Variants in ZNF737 observed in about 807,000 individuals in gnomAD.
ZNF737 encodes zinc finger protein 737.
Under a neutral mutation model 11.7 loss-of-function variants are expected in ZNF737, and 13 were observed. The observed-to-expected ratio is 1.11, with a 90% CI of 0.73 to 1.77. The LOEUF is 1.77. ZNF737 is among the 40% of genes most tolerant of loss of function. ZNF737 has a pLI of 0.00. For synonymous variants in ZNF737, 217 were observed against 216.2 expected (o/e 1.00, Z -0.03); for missense variants, 636 against 638.0 (o/e 1.00, Z 0.03).
chr19:20,533,619 A>G (rs1257703458), downstream of ZNF737, among the ~76,000 whole-genome samples: 1 of 150,228 alleles, frequency 6.7e-6, no homozygotes, highest in Non-Finnish European at 1.5e-5. Flanking sequence ...TAGCCATACA[A>G]TGTTGTTTAT....
chr19:20,541,451 T>C lies in ZNF737; in HGVS notation c.*3141A>G. On this transcript the variant is annotated 3_prime_UTR_variant, in exon 4 of 4. Transcript: ENST00000427401. ...ACTCAGAAATGTATGGATTTTATTTTTATTTTATTTTTTGAGATGGAGACT... is the reference window on the plus strand; with the variant it reads ...ACTCAGAAATGTATGGATTTTATTTCTATTTTATTTTTTGAGATGGAGACT... 1.0e-6 allele frequency: 1 copy of C among 961,150 alleles called. No individual in the cohort carries two copies. The highest frequency in any genetic ancestry group is 1.2e-6 in the Non-Finnish European group (1 of 808,134). 59.5% of individuals were successfully genotyped at this position (961,150 alleles called of 1,614,324 possible). A position where few individuals can be genotyped will look rare whatever the true frequency, so the allele number is the denominator to read the frequency against.
At chr19:20,565,575 C>G (rs1250220767) in intron 1 of ZNF737, 63 bp downstream of exon 1, 1 of 1,613,670 alleles carries the variant, frequency 6.2e-7, no homozygotes, top group Non-Finnish European at 8.5e-7. Context: ...CCGCCACAGC[C>G]ACTTCCCACC....
intron 3 of ZNF737, among the ~76,000 whole-genome samples, chr19:20,547,680 G>C (rs1249994796): frequency 2.7e-5 from 4 of 149,192 alleles, no homozygotes; most frequent in Non-Finnish European, 5.9e-5. Context: ...GCATTTGAAA[G>C]AACATACAAA....
In ZNF737 at chr19:20,543,791, G is replaced by A. The variant is rs782263646; in HGVS notation, c.*801C>T. On this transcript the variant is annotated 3_prime_UTR_variant, in exon 4 of 4. Transcript: ENST00000427401. ...GCAATGTCACATTTTTTAGCTTTGCGGATTTCCTCTTCAACATGAATTATT... is the reference window on the plus strand; with the variant it reads ...GCAATGTCACATTTTTTAGCTTTGCAGATTTCCTCTTCAACATGAATTATT... The A allele has an allele frequency of 4.7e-5, 46 of 985,240 alleles. No homozygotes were observed. Among genetic ancestry groups the A allele is most frequent in the Non-Finnish European group, 5.2e-5 (43 of 829,940 alleles). 61.0% of individuals were successfully genotyped at this position (985,240 alleles called of 1,614,324 possible). A position where few individuals can be genotyped will look rare whatever the true frequency, so the allele number is the denominator to read the frequency against.
downstream of ZNF737, among the ~76,000 whole-genome samples, chr19:20,533,661 G>A (rs1434839112): frequency 4.7e-5 from 7 of 150,110 alleles, no homozygotes; most frequent in African/African-American, 1.7e-4. Flanking sequence ...CAGGTTTCAG[G>A]CCTTGTAAAG....
At position 20,542,233 on chromosome 19, in the gene ZNF737, C is replaced by CA; in HGVS notation, c.*2358_*2359insT. The CA allele has an allele frequency of 1.3e-6, 1 of 779,526 alleles. No individual in the cohort carries two copies. Among genetic ancestry groups the CA allele is most frequent in the Non-Finnish European group, 1.6e-6 (1 of 643,018 alleles). 48.3% of individuals were successfully genotyped at this position (779,526 alleles called of 1,614,324 possible). A position where few individuals can be genotyped will look rare whatever the true frequency, so the allele number is the denominator to read the frequency against. ...TTAAGTTCACAAATAATCTAACAAA[C>CA]TTTTTTTTTTTTGAGACAGAGTTTT... is the stretch of plus-strand genomic sequence containing the variant. On this transcript the variant is annotated 3_prime_UTR_variant, in exon 4 of 4. Transcript: ENST00000427401.
Position 20,546,510 on chromosome 19 carries a change from A to G in ZNF737, c.227-534T>C, listed in dbSNP as rs546005058. The stretch of plus-strand genomic sequence containing the variant: ...TATAGACCACCTAGGATTCACAGCC[A>G]CACACAAAACTCTCCAGTCAAAACC... On this transcript the variant is annotated intron_variant, in intron 3 of 3. Transcript: ENST00000427401. 2.0e-5 allele frequency among the ~76,000 whole-genome samples: 3 copies of G among 152,378 alleles called. No homozygotes were observed. In the South Asian group the frequency reaches 6.2e-4, roughly 32 times the overall value.
downstream of ZNF737, among the ~76,000 whole-genome samples, chr19:20,533,024 A>G (rs1463871123): frequency 1.3e-5 from 2 of 150,304 alleles, no homozygotes; most frequent in African/African-American, 4.9e-5. Flanking sequence ...AAAGTTCTAA[A>G]GAGAAAGAAT....
downstream of ZNF737, among the ~76,000 whole-genome samples, chr19:20,531,683 G>A (rs1967832347): frequency 6.7e-6 from 1 of 149,710 alleles, no homozygotes; most frequent in South Asian, 2.2e-4. Context: ...GTCTTGAACT[G>A]CTGACCTCAG....
intron 3 of ZNF737, among the ~76,000 whole-genome samples, chr19:20,551,855 A>AGAT (rs1968685042): frequency 6.6e-6 from 1 of 151,882 alleles, no homozygotes; most frequent in South Asian, 2.1e-4. Flanking sequence ...AGTGATCTAT[A>AGAT]GATTGCATAA....
At chr19:20,564,227 A>G (rs1969212387) in intron 1 of ZNF737, 1 of 152,144 alleles carries the variant, frequency 6.6e-6, no homozygotes, top group African/African-American at 2.4e-5. Context: ...ACACTTCTAG[A>G]AGGTACCATG....
intron 1 of ZNF737, among the ~76,000 whole-genome samples, chr19:20,556,253 G>T (rs941513560): frequency 1.3e-5 from 2 of 151,968 alleles, no homozygotes; most frequent in Non-Finnish European, 2.9e-5. Flanking sequence ...CCTGATTCTG[G>T]CCTCACCTTA....
chr19:20,551,157 G>A (rs977567863), intron 3 of ZNF737: 15 of 152,234 alleles, frequency 9.9e-5, no homozygotes, highest in African/African-American at 3.6e-4. Flanking sequence ...CGGGCGGGGT[G>A]CCTCATGCCT....
intron 1 of ZNF737, among the ~76,000 whole-genome samples, chr19:20,560,767 T>C (rs1254002318): frequency 2.0e-5 from 3 of 151,152 alleles, no homozygotes; most frequent in African/African-American, 7.3e-5. Flanking sequence ...GCAACAAAAG[T>C]GAAACTCCGT....
rs931459439 is a variant in ZNF737, at chr19:20,542,785, A to T, written c.*1807T>A. 5.0e-5 allele frequency: 49 copies of T among 983,924 alleles called. No individual in the cohort carries two copies. Among genetic ancestry groups the T allele is most frequent in the Non-Finnish European group, 5.7e-5 (47 of 829,800 alleles). 60.9% of individuals were successfully genotyped at this position (983,924 alleles called of 1,614,324 possible). A position where few individuals can be genotyped will look rare whatever the true frequency, so the allele number is the denominator to read the frequency against. The stretch of plus-strand genomic sequence containing the variant: ...AAAAGTCATAATGTCCAAATAATGT[A>T]AAAAAATCGAATATCTCTGATGCAG... On this transcript the variant is annotated 3_prime_UTR_variant, in exon 4 of 4. Transcript: ENST00000427401.
rs191335861 is a variant in ZNF737, at chr19:20,563,060, A to G, written c.3+2578T>C. Among the ~76,000 whole-genome samples the G allele has an allele frequency of 4.6e-3, 683 of 150,010 alleles. 9 individuals carry two copies. Among genetic ancestry groups the G allele is most frequent in the African/African-American group, 0.016 (671 of 40,694 alleles). ...ATTAGTTGGTATTTTCTGCTGTTGC[A>G]ATTTTTTTTGGAATTCATTTTTTTA... On this transcript the variant is annotated intron_variant, in intron 1 of 3. Coordinates refer to ENST00000427401, the MANE Select transcript of ZNF737 (RefSeq NM_001159293.2).
chr19:20,552,421 C>T, intron 3 of ZNF737, 54 bp downstream of exon 3: 2 of 1,335,416 alleles, frequency 1.5e-6, no homozygotes, highest in South Asian at 1.4e-5. Context: ...TTCTCTTTGA[C>T]TTTGGGACCT....
chr19:20,530,883 G>T (rs1210855258), downstream of ZNF737, among the ~76,000 whole-genome samples: 1 of 148,056 alleles, frequency 6.8e-6, no homozygotes, highest in South Asian at 2.2e-4. Flanking sequence ...AGGCGGCTGG[G>T]AGGTGGAGGT....
At position 20,542,543 on chromosome 19, in the gene ZNF737, A is replaced by AAACT; in HGVS notation, c.*2048_*2049insAGTT. On this transcript the variant is annotated 3_prime_UTR_variant, in exon 4 of 4. Transcript: ENST00000427401. Reference sequence around the variant, plus strand: ...CATCAAGCCCGGCCCTAACAGTTTTAAAATGCACTGCATTTTATTACATAA... The same window carrying AAACT: ...CATCAAGCCCGGCCCTAACAGTTTTAAACTAAATGCACTGCATTTTATTACATAA... The AAACT allele has an allele frequency of 1.0e-6, 1 of 982,274 alleles. No individual in the cohort carries two copies. Among genetic ancestry groups the AAACT allele is most frequent in the Non-Finnish European group, 1.2e-6 (1 of 827,272 alleles). 60.8% of individuals were successfully genotyped at this position (982,274 alleles called of 1,614,324 possible). A position where few individuals can be genotyped will look rare whatever the true frequency, so the allele number is the denominator to read the frequency against.
Sources: gnomAD v4.1 joint callset for allele counts (sites outside exome capture counted in the v4.1 genomes callset) on GRCh38, gnomAD v4.1.1 for gene constraint, MANE v1.5 for transcripts, NCBI Gene and HGNC (gene_info 2026-07-23, HGNC 2026-07-21) for gene names.